MAGI1: variants seen among roughly 807,000 people sequenced by gnomAD.
MAGI1 encodes membrane-associated guanylate kinase, WW and PDZ domain-containing protein 1.
In MAGI1, 58 loss-of-function variants were observed where a neutral mutation model predicts 139.9. That is an observed-to-expected ratio of 0.41 (90% CI 0.34 to 0.52). MAGI1 has a LOEUF of 0.52. Ranked by LOEUF, MAGI1 falls within the 20% of genes least tolerant of loss-of-function variation. The pLI, the probability that MAGI1 is intolerant of heterozygous loss-of-function variation, is 0.12. For missense variants in MAGI1, 1,874 were observed against 1,901.6 expected, an observed-to-expected ratio of 0.99 and a Z score of 0.27; for synonymous variants, 812 against 737.9, an observed-to-expected ratio of 1.10 and a Z score of -1.63.
chr3:65,691,964 A>G (rs886064909), intron 1 of MAGI1, among the ~76,000 whole-genome samples: 1 of 152,240 alleles, frequency 6.6e-6, no homozygotes, highest in African/African-American at 2.4e-5. Flanking sequence ...CCAAAGTGCT[A>G]CATTTCAGAA....
chr3:65,530,746 T>C (rs142218743), intron 2 of MAGI1, among the ~76,000 whole-genome samples: 1,939 of 79,544 alleles, frequency 0.024, 141 homozygotes, highest in Admixed American at 0.036. Context: ...TATATGCACA[T>C]ATATATACAC....
intron 2 of MAGI1, among the ~76,000 whole-genome samples, chr3:65,586,487 G>A (rs1460862009): frequency 6.6e-6 from 1 of 152,100 alleles, no homozygotes; most frequent in African/African-American, 2.4e-5. Context: ...ATGATTGTAT[G>A]CAACTGCTGA....
rs56135171 is a variant in MAGI1 at position 65,463,558 on chromosome 3, A to ATGTGTGTGTG, written c.959+6715_959+6724dup. Reference sequence around the variant, plus strand: ...TGTTCATCAGGGATATTGGCCTGAAATGTGTGTGTGTGTGTGTGTGTGTGT... The same window carrying ATGTGTGTGTG: ...TGTTCATCAGGGATATTGGCCTGAAATGTGTGTGTGTGTGTGTGTGTGTGTGTGTGTGTGT... On this transcript the variant is annotated intron_variant, in intron 5 of 22. Transcript: ENST00000402939. 9.8e-3 allele frequency among the ~76,000 whole-genome samples: 1,384 copies of ATGTGTGTGTG among 140,804 alleles called. 14 individuals are homozygous for ATGTGTGTGTG. Among genetic ancestry groups the ATGTGTGTGTG allele is most frequent in the South Asian group, 0.025 (102 of 4,030 alleles). The allele number at this position is 140,804 out of a possible 152,430, so 92.4% of individuals were successfully genotyped here. A position where few individuals can be genotyped will look rare whatever the true frequency, so the allele number is the denominator to read the frequency against.
intron 7 of MAGI1, among the ~76,000 whole-genome samples, chr3:65,444,699 C>T (rs770547145): frequency 9.2e-5 from 14 of 151,910 alleles, no homozygotes; most frequent in Non-Finnish European, 1.5e-4. Flanking sequence ...GATGGAGGGC[C>T]GAGGAGGGTA....
chr3:65,615,391 G>C (rs2083319175), intron 2 of MAGI1, among the ~76,000 whole-genome samples: 1 of 152,206 alleles, frequency 6.6e-6, no homozygotes. Context: ...CCCAAGAGAA[G>C]AGGAATTGTC....
chr3:65,661,126 T>C (rs73832905), intron 1 of MAGI1, among the ~76,000 whole-genome samples: 1,623 of 152,304 alleles, frequency 0.011, 30 homozygotes, highest in African/African-American at 0.037. Flanking sequence ...TGTATATTCT[T>C]ACACATATTT....
intron 1 of MAGI1, among the ~76,000 whole-genome samples, chr3:65,723,318 A>G (rs2033254608): frequency 6.6e-6 from 1 of 152,198 alleles, no homozygotes; most frequent in Non-Finnish European, 1.5e-5. Context: ...TGAAGAAAAG[A>G]GCTACATCAC....
chr3:65,484,727 G>A (rs531795398), intron 3 of MAGI1, among the ~76,000 whole-genome samples: 3 of 151,798 alleles, frequency 2.0e-5, no homozygotes, highest in East Asian at 3.9e-4. Context: ...CACAGCTCTT[G>A]CACCCACTCC....
chr3:65,436,526 C>T (rs1051007330), intron 10 of MAGI1, among the ~76,000 whole-genome samples: 2 of 152,004 alleles, frequency 1.3e-5, no homozygotes, highest in Non-Finnish European at 2.9e-5. Context: ...GCATAAATAC[C>T]AAAACTGCAG....
intron 2 of MAGI1, among the ~76,000 whole-genome samples, chr3:65,532,252 T>C (rs2078748806): frequency 6.6e-6 from 1 of 152,246 alleles, no homozygotes; most frequent in South Asian, 2.1e-4. Context: ...AAATTCTCTA[T>C]GATCTCACTC....
rs372604743 is a variant in MAGI1 at position 65,765,093 on chromosome 3, T to A, written c.314-143005A>T. Among the ~76,000 whole-genome samples the A allele has an allele frequency of 7.2e-4, 110 of 152,330 alleles. No homozygotes were observed. In the Middle Eastern group the frequency reaches 0.017, roughly 24 times the overall value. ...GGTAAGGAATGCATCCTTCCCATCA[T>A]GGAAGTCAATGGATGGCACCTAACA... On this transcript the variant is annotated intron_variant, in intron 1 of 22. Transcript: ENST00000402939.
chr3:65,814,709 C>A lies in MAGI1; in HGVS notation c.314-192621G>T, dbSNP rs932147981. ...TGCTCATAGAATGCTCAGAGCATCA[C>A]AGAATCTTACAGAACTCTTTTATAA... On this transcript the variant is annotated intron_variant, in intron 1 of 22. Transcript: ENST00000402939. Among the ~76,000 whole-genome samples, 6 of 152,296 alleles carry A rather than the reference C, an allele frequency of 3.9e-5. No individual in the cohort carries two copies. The East Asian group carries it at 7.7e-4, about 20-fold the overall frequency.
intron 1 of MAGI1, among the ~76,000 whole-genome samples, chr3:66,001,064 T>A (rs1298196882): frequency 6.6e-6 from 1 of 152,118 alleles, no homozygotes; most frequent in African/African-American, 2.4e-5. Context: ...TGCTATCAAA[T>A]AGGGGAGACA....
intron 1 of MAGI1, among the ~76,000 whole-genome samples, chr3:65,648,080 G>T (rs981145766): frequency 2.0e-5 from 3 of 151,800 alleles, no homozygotes; most frequent in African/African-American, 7.2e-5. Flanking sequence ...AAAACAAAAA[G>T]CCTCCTAGTA....
At chr3:65,535,466 T>C (rs539700559) in intron 2 of MAGI1, among the ~76,000 whole-genome samples, 2 of 152,298 alleles carry the variant, frequency 1.3e-5, no homozygotes, top group African/African-American at 2.4e-5. Context: ...GATTCAACCC[T>C]ACCCATTTTC....
At chr3:65,979,088 T>TTCCCCCCCC (rs377493475) in intron 1 of MAGI1, among the ~76,000 whole-genome samples, 1 of 52,968 alleles carries the variant, frequency 1.9e-5, no homozygotes, top group African/African-American at 7.0e-5. Context: ...TTTCTTTTCT[T>TTCCCCCCCC]CCCCCCCCCC....
rs200952901 is a variant in MAGI1 at position 65,869,367 on chromosome 3, TTTGTTGTTGTTG to T, written c.313+168617_313+168628del. 4.6e-3 allele frequency among the ~76,000 whole-genome samples: 553 copies of T among 118,928 alleles called. 2 individuals carry two copies. Among genetic ancestry groups the T allele is most frequent in the African/African-American group, 0.011 (350 of 31,250 alleles). The allele number at this position is 118,928 out of a possible 152,430, so 78.0% of individuals were successfully genotyped here. ...CAGATCCCAAAGGCAAGACTGGTTT[TTTGTTGTTGTTG>T]TTGTTGTTGTTGTTGTTGTTGTTGT... On this transcript the variant is annotated intron_variant, in intron 1 of 22. Coordinates refer to ENST00000402939, the MANE Select transcript of MAGI1 (RefSeq NM_001033057.2).
chr3:65,416,262 A>G (rs1946210913), intron 12 of MAGI1, among the ~76,000 whole-genome samples: 1 of 152,232 alleles, frequency 6.6e-6, no homozygotes, highest in Non-Finnish European at 1.5e-5. Context: ...GAATGAGTGG[A>G]GTCAACAGCC....
In MAGI1 at chr3:65,429,547, C is replaced by G. The variant is rs375975939; in HGVS notation, c.2140G>C (p.Glu714Gln). ...CCTCGTTGCACCAACAATGTGACCT[C>G]ACTTCCCTTAGGACACTCAACCAGC... ...DMLVECPKGS[E>Q]VTLLVQRGGL... is the part of the protein sequence containing the mutation. The change falls in exon 12 of 23, where the codon GAG (glutamate) becomes CAG (glutamine). Residue 714 changes from glutamate (E) to glutamine (Q), a missense_variant. Glu to Gln is a conservative substitution (Grantham distance 29). This residue lies in a region of MAGI1 where 482 missense variants were observed against 509.6 expected (regional missense o/e 0.95). Transcript: ENST00000402939. The G allele has an allele frequency of 6.2e-7, 1 of 1,612,594 alleles. No homozygotes were observed. The highest frequency in any genetic ancestry group is 1.3e-5 in the African/African-American group (1 of 74,882).
Sources: gnomAD v4.1 joint callset for allele counts (sites outside exome capture counted in the v4.1 genomes callset) on GRCh38, gnomAD v4.1.1 for gene constraint, gnomAD v4.1.1 regional missense constraint, MANE v1.5 for transcripts, NCBI Gene and HGNC (gene_info 2026-07-23, HGNC 2026-07-21) for gene names.